The following ZRANB3 variants were observed in gnomAD, a reference collection of about 807,000 sequenced individuals.
ZRANB3 encodes the protein DNA annealing helicase and endonuclease ZRANB3.
In ZRANB3, 125 loss-of-function variants were observed where a neutral mutation model predicts 133.8. That is an observed-to-expected ratio of 0.93 (90% CI 0.81 to 1.08). The LOEUF is 1.08. Among genes scored for constraint, ZRANB3 ranks in the 50% least tolerant of loss-of-function variants. The probability of loss-of-function intolerance (pLI) is 0.00; values close to 1 mark genes in which losing one functional copy is unlikely to be tolerated. For missense variants in ZRANB3, 1,229 were observed against 1,275.5 expected (o/e 0.96, Z 0.56); for synonymous variants, 387 against 432.7 (o/e 0.89, Z 1.31).
intron 1 of ZRANB3, among the ~76,000 whole-genome samples, chr2:135,528,451 A>G (rs16831790): frequency 0.068 from 10,332 of 152,216 alleles, 721 homozygotes; most frequent in African/African-American, 0.18. Context: ...TCAGACCTCT[A>G]CAAGTCTTAT....
intron 6 of ZRANB3, among the ~76,000 whole-genome samples, chr2:135,334,849 C>G (rs1474334615): frequency 6.6e-6 from 1 of 151,900 alleles, no homozygotes; most frequent in Non-Finnish European, 1.5e-5. Context: ...GTGCTGAGAT[C>G]GCACCACTGC....
intron 3 of ZRANB3, among the ~76,000 whole-genome samples, chr2:135,366,934 T>C (rs1295540634): frequency 6.6e-6 from 1 of 151,978 alleles, no homozygotes; most frequent in Non-Finnish European, 1.5e-5. Context: ...GGCAGGAGAA[T>C]GGCGTCAACC....
At chr2:135,527,524 G>C (rs544796169) in intron 1 of ZRANB3, among the ~76,000 whole-genome samples, 1 of 151,748 alleles carries the variant, frequency 6.6e-6, no homozygotes, top group Non-Finnish European at 1.5e-5. Context: ...CTCCAGCCTG[G>C]AAGACAGAGC....
chr2:135,248,570 CTT>C (rs143385247), intron 12 of ZRANB3, among the ~76,000 whole-genome samples: 9,343 of 152,166 alleles, frequency 0.061, 566 homozygotes, highest in African/African-American at 0.16. Flanking sequence ...CTATAAGAAA[CTT>C]AAACAAATTT....
chr2:135,391,141 G>C (rs1395605451), intron 2 of ZRANB3, among the ~76,000 whole-genome samples: 1 of 152,206 alleles, frequency 6.6e-6, no homozygotes, highest in African/African-American at 2.4e-5. Flanking sequence ...TTACAGGCGT[G>C]AGCAACTGTG....
chr2:135,482,967 C>T (rs1691902244), intron 2 of ZRANB3, among the ~76,000 whole-genome samples: 1 of 151,894 alleles, frequency 6.6e-6, no homozygotes, highest in South Asian at 2.1e-4. Flanking sequence ...GGGATGAAGC[C>T]CACTTGATCA....
intron 2 of ZRANB3, among the ~76,000 whole-genome samples, chr2:135,442,225 C>T (rs1427135757): frequency 1.3e-5 from 2 of 152,116 alleles, no homozygotes; most frequent in Non-Finnish European, 1.5e-5. Flanking sequence ...AGCTTCTGCA[C>T]AGCAAAAGAA....
intron 2 of ZRANB3, among the ~76,000 whole-genome samples, chr2:135,493,145 A>C (rs1692481676): frequency 1.3e-5 from 1 of 75,536 alleles, no homozygotes; most frequent in Non-Finnish European, 2.6e-5. Context: ...ATATATATAT[A>C]TATATATATA....
chr2:135,484,130 G>A (rs888421266), intron 2 of ZRANB3, among the ~76,000 whole-genome samples: 9 of 152,164 alleles, frequency 5.9e-5, no homozygotes, highest in South Asian at 2.1e-4. Context: ...TATTAGGTCC[G>A]CTTCGTGCAG....
intron 19 of ZRANB3, among the ~76,000 whole-genome samples, chr2:135,203,684 A>C (rs1447134638): frequency 6.6e-6 from 1 of 151,910 alleles, no homozygotes; most frequent in Non-Finnish European, 1.5e-5. Flanking sequence ...TTAATTGTTG[A>C]CCTAAATGCT....
At chr2:135,369,068 TA>T (rs1166875279) in intron 3 of ZRANB3, among the ~76,000 whole-genome samples, 1 of 151,970 alleles carries the variant, frequency 6.6e-6, no homozygotes, top group Non-Finnish European at 1.5e-5. Context: ...ACACATAACT[TA>T]AAACACTCTA....
intron 12 of ZRANB3, 136 bp from the exon 13 acceptor site, chr2:135,231,063 T>C (rs1694991219): frequency 3.1e-6 from 2 of 636,122 alleles, no homozygotes; most frequent in Non-Finnish European, 4.9e-6. Context: ...GAATTCATTA[T>C]GCTCTGACTC....
intron 6 of ZRANB3, among the ~76,000 whole-genome samples, chr2:135,323,517 T>G (rs1356893049): frequency 6.6e-6 from 1 of 152,070 alleles, no homozygotes; most frequent in African/African-American, 2.4e-5. Context: ...GAACACAAAC[T>G]TGCTCCCTAA....
At chr2:135,329,787 T>C (rs1339093003) in intron 6 of ZRANB3, among the ~76,000 whole-genome samples, 3 of 152,196 alleles carry the variant, frequency 2.0e-5, no homozygotes, top group Non-Finnish European at 4.4e-5. Context: ...CCTTTGTAAG[T>C]TGGATTCCTT....
intron 2 of ZRANB3, among the ~76,000 whole-genome samples, chr2:135,491,788 T>C (rs535787083): frequency 1.3e-5 from 2 of 152,326 alleles, no homozygotes; most frequent in African/African-American, 2.4e-5. Context: ...GCGCTGGGAT[T>C]ACAGGTGTGA....
In ZRANB3 at chr2:135,350,168, G is replaced by C; in HGVS notation, c.407C>G (p.Thr136Ser). 1 of 1,609,656 alleles carries C rather than the reference G, an allele frequency of 6.2e-7. No individual in the cohort carries two copies. The highest frequency in any genetic ancestry group is 8.5e-7 in the Non-Finnish European group (1 of 1,177,826). ...KVTVLGYGLL[T>S]ADAKTLIDAL... ...ATCTATCAAAGTCTTTGCATCTGCGGTTAAGAGACCATAACCCAGAACTGT... is the reference window on the plus strand; with the variant it reads ...ATCTATCAAAGTCTTTGCATCTGCGCTTAAGAGACCATAACCCAGAACTGT... Residue 136 changes from threonine (T) to serine (S), a missense_variant, in exon 5 of 21, where the codon ACC becomes AGC. Thr to Ser is a moderately conservative substitution (Grantham distance 58). Transcript: ENST00000264159.
chr2:135,304,631 A>C (rs1682589257), intron 8 of ZRANB3, among the ~76,000 whole-genome samples: 1 of 152,110 alleles, frequency 6.6e-6, no homozygotes, highest in Non-Finnish European at 1.5e-5. Context: ...TTTTTATGTT[A>C]AATGTTCAAT....
rs556733609 is a variant in ZRANB3 at position 135,470,839 on chromosome 2, T to C, written c.161+33490A>G. Among the ~76,000 whole-genome samples the C allele has an allele frequency of 3.9e-3, 586 of 149,948 alleles. 2 individuals are homozygous for C. The highest frequency in any genetic ancestry group is 6.4e-3 in the Non-Finnish European group (429 of 67,406). On this transcript the variant is annotated intron_variant, in intron 2 of 20. Transcript: ENST00000264159. ...TTTTTTGAGATGGAGTCTCACTCTG[T>C]CGCCCAGGCTGGAGTGCAGTGGCGC...
intron 17 of ZRANB3, among the ~76,000 whole-genome samples, chr2:135,210,732 G>A (rs987606033): frequency 6.6e-6 from 1 of 152,080 alleles, no homozygotes; most frequent in Non-Finnish European, 1.5e-5. Context: ...TCAGGAGTTC[G>A]AGACCAGCCT....
Sources: gnomAD v4.1 joint callset for allele counts (sites outside exome capture counted in the v4.1 genomes callset) on GRCh38, gnomAD v4.1.1 for gene constraint, MANE v1.5 for transcripts, NCBI Gene and HGNC (gene_info 2026-07-23, HGNC 2026-07-21) for gene names.